DEDD2: variants seen among roughly 807,000 people sequenced by gnomAD.
DEDD2 encodes DNA-binding death effector domain-containing protein 2.
DEDD2 carries 18 observed loss-of-function variants against 28.9 expected under a neutral mutation model. The ratio of observed to expected loss-of-function variants is 0.62; its 90% CI spans 0.43 to 0.92. The LOEUF (loss-of-function observed/expected upper bound fraction) is 0.92, where lower values mean the gene tolerates loss of function less well. Ranked by LOEUF, DEDD2 falls within the 40% of genes least tolerant of loss-of-function variation. The pLI is 0.00. For synonymous variants in DEDD2, 211 were observed against 206.1 expected (o/e 1.02, Z -0.20); for missense variants, 411 against 463.3 (o/e 0.89, Z 1.04).
Position 42,216,944 on chromosome 19 carries a change from C to A in DEDD2, c.64G>T (p.Gly22Trp), listed in dbSNP as rs780377847. 1 of 1,602,404 alleles carries A rather than the reference C, an allele frequency of 6.2e-7. No homozygotes were observed. The highest frequency in any genetic ancestry group is 2.3e-5 in the East Asian group (1 of 43,966). Residue 22 changes from glycine (G) to tryptophan (W), a missense_variant, in exon 2 of 5, where the codon GGG (glycine) becomes TGG (tryptophan). Coordinates refer to ENST00000596251, the MANE Select transcript of DEDD2 (RefSeq NM_133328.4). ...WEEDECLDYY[G>W]MLSLHRMFEV... ...AACATACGGTGAAGCGACAGCATCC[C>A]GTAGTAGTCCAGGCACTCATCCTCC...
At chr19:42,200,679 G>A (rs751805527) in intron 4 of DEDD2, among the ~76,000 whole-genome samples, 5 of 152,208 alleles carry the variant, frequency 3.3e-5, no homozygotes, top group Non-Finnish European at 7.3e-5. Flanking sequence ...GGAAGCCTAC[G>A]CAGGGCCAGC....
At chr19:42,210,489 G>A (rs1045885119) in intron 3 of DEDD2, among the ~76,000 whole-genome samples, 1 of 151,988 alleles carries the variant, frequency 6.6e-6, no homozygotes, top group Non-Finnish European at 1.5e-5. Context: ...CGCCTCCCGG[G>A]TTCAAGCAAT....
At chr19:42,215,019 A>G in intron 3 of DEDD2, 114 bp downstream of exon 3, 1 of 1,433,840 alleles carries the variant, frequency 7.0e-7, no homozygotes, top group South Asian at 1.3e-5. Flanking sequence ...ACACACACAC[A>G]CACACACACA....
chr19:42,218,557 G>T (rs1366272389), upstream of DEDD2, among the ~76,000 whole-genome samples: 1 of 152,066 alleles, frequency 6.6e-6, no homozygotes, highest in East Asian at 1.9e-4. Context: ...CGGGGCCTTG[G>T]GTGTGACGGT....
chr19:42,219,342 T>C (rs1483405318), upstream of DEDD2, among the ~76,000 whole-genome samples: 1 of 151,734 alleles, frequency 6.6e-6, no homozygotes, highest in Admixed American at 6.6e-5. Context: ...GGTTCACGCC[T>C]GTAATCCCAG....
intron 3 of DEDD2, among the ~76,000 whole-genome samples, chr19:42,210,742 TAA>T (rs1441652491): frequency 2.6e-5 from 4 of 151,800 alleles, no homozygotes; most frequent in Non-Finnish European, 4.4e-5. Context: ...TTTACACACT[TAA>T]AAAGTTAAAA....
At chr19:42,201,415 C>T (rs933988549) in intron 4 of DEDD2, among the ~76,000 whole-genome samples, 4 of 152,250 alleles carry the variant, frequency 2.6e-5, no homozygotes, top group African/African-American at 9.6e-5. Context: ...AAGGAACAAG[C>T]TAGCACTGCA....
chr19:42,199,884 G>A lies in DEDD2; in HGVS notation c.590-55C>T. On this transcript the variant is annotated intron_variant, in intron 4 of 4. Transcript: ENST00000596251. The surrounding 1 kb of genome is among the most constrained non-coding windows in gnomAD (Gnocchi z 7.4). The stretch of plus-strand genomic sequence containing the variant: ...GGGGGCCAACACTAGACACACTTAT[G>A]GGGAACGCCACCCTTCCTCCCTCCA... 2 of 1,509,454 alleles carry A rather than the reference G, an allele frequency of 1.3e-6. No homozygotes were observed. Among genetic ancestry groups the A allele is most frequent in the African/African-American group, 2.8e-5 (2 of 72,216 alleles). The allele number at this position is 1,509,454 out of a possible 1,614,324, so 93.5% of individuals were successfully genotyped here.
intron 3 of DEDD2, among the ~76,000 whole-genome samples, chr19:42,213,781 G>A (rs1051554246): frequency 3.3e-5 from 5 of 151,418 alleles, no homozygotes; most frequent in Non-Finnish European, 5.9e-5. Flanking sequence ...GGTATGGGGT[G>A]TAGGGGCAGT....
chr19:42,218,668 TGGGAGTCG>T (rs2036069558), upstream of DEDD2, among the ~76,000 whole-genome samples: 1 of 152,200 alleles, frequency 6.6e-6, no homozygotes, highest in Non-Finnish European at 1.5e-5. Flanking sequence ...TAACTCCTCT[TGGGAGTCG>T]GGAGATCTGG....
upstream of DEDD2, among the ~76,000 whole-genome samples, chr19:42,219,343 G>A (rs2036087890): frequency 1.3e-5 from 2 of 151,884 alleles, no homozygotes; most frequent in South Asian, 4.2e-4. Context: ...GTTCACGCCT[G>A]TAATCCCAGC....
intron 4 of DEDD2, among the ~76,000 whole-genome samples, chr19:42,202,372 C>T (rs895535729): frequency 6.6e-6 from 1 of 152,156 alleles, no homozygotes; most frequent in African/African-American, 2.4e-5. Context: ...ACAAAATGAC[C>T]TGTCCACCTC....
Position 42,216,876 on chromosome 19 carries a change from G to A in DEDD2, c.132C>T (p.Leu44=). Residue 44 remains leucine, a synonymous_variant, in exon 2 of 5, where the codon CTC becomes CTT. Transcript: ENST00000596251. ...GAGCCTCATCCAGCAGAAAGGCCAG[G>A]AGCTCCAGCTCGCACTCGGTCAGTT... is the stretch of plus-strand genomic sequence containing the variant. ...GGQLTECELE[L]LAFLLDEAPG... 1.3e-6 allele frequency: 2 copies of A among 1,597,172 alleles called. No individual in the cohort carries two copies. The highest frequency in any genetic ancestry group is 1.7e-6 in the Non-Finnish European group (2 of 1,172,504).
chr19:42,217,956 CG>C (rs143107875), upstream of DEDD2, among the ~76,000 whole-genome samples: 7,216 of 152,302 alleles, frequency 0.047, 519 homozygotes, highest in African/African-American at 0.16. Flanking sequence ...CTCAAGCCAC[CG>C]GGGCCATGTA....
chr19:42,200,471 G>A (rs1224036558), intron 4 of DEDD2, among the ~76,000 whole-genome samples: 1 of 152,236 alleles, frequency 6.6e-6, no homozygotes, highest in Non-Finnish European at 1.5e-5. Context: ...GATTCACATG[G>A]TGCCAACCAC....
At chr19:42,202,941 C>A (rs1465868849) in intron 4 of DEDD2, among the ~76,000 whole-genome samples, 1 of 152,244 alleles carries the variant, frequency 6.6e-6, no homozygotes, top group Non-Finnish European at 1.5e-5. Flanking sequence ...CCAAAATAAT[C>A]ACAACAGGTG....
At chr19:42,217,167 C>G in intron 1 of DEDD2, 122 bp from the exon 2 acceptor site, 1 of 701,846 alleles carries the variant, frequency 1.4e-6, no homozygotes. Flanking sequence ...CCCCCAACCG[C>G]CTCGGCCTCC....
chr19:42,219,644 G>A (rs1051648606), upstream of DEDD2, among the ~76,000 whole-genome samples: 5 of 152,186 alleles, frequency 3.3e-5, no homozygotes, highest in Non-Finnish European at 5.9e-5. Flanking sequence ...TCCCCTCTCT[G>A]GGCCTCAGTT....
intron 4 of DEDD2, among the ~76,000 whole-genome samples, chr19:42,206,386 C>CT (rs1027173259): frequency 1.5e-4 from 23 of 152,280 alleles, no homozygotes; most frequent in Admixed American, 1.2e-3. Context: ...TCTCTCTTGG[C>CT]TTTCTCCCAC....
Sources: allele counts gnomAD v4.1 joint callset (sites outside exome capture counted in the v4.1 genomes callset), GRCh38; gene constraint gnomAD v4.1.1; non-coding constraint Gnocchi (gnomAD v3.1); transcripts MANE v1.5; gene names NCBI Gene and HGNC (gene_info 2026-07-23, HGNC 2026-07-21).